ANKRD11: variants seen among roughly 807,000 people sequenced by gnomAD.
The protein encoded by ANKRD11 is ankyrin repeat domain-containing protein 11.
Under a neutral mutation model 195.7 loss-of-function variants are expected in ANKRD11, and 17 were observed. That is an observed-to-expected ratio of 0.09 (90% CI 0.06 to 0.13). The LOEUF is 0.13. Ranked by LOEUF, ANKRD11 falls within the 10% of genes least tolerant of loss-of-function variation. The pLI is 1.00. For missense variants in ANKRD11, 3,735 were observed against 3,566.1 expected (o/e 1.05, Z -1.21); for synonymous variants, 1,953 against 1,528.1 (o/e 1.28, Z -6.49).
intron 1 of ANKRD11, among the ~76,000 whole-genome samples, chr16:89,451,069 A>G (rs1257563999): frequency 6.6e-6 from 1 of 152,180 alleles, no homozygotes; most frequent in African/African-American, 2.4e-5. Flanking sequence ...TTTTGCTTCA[A>G]TGGCAAAGTT....
intron 2 of ANKRD11, among the ~76,000 whole-genome samples, chr16:89,321,397 C>T (rs1567641476): frequency 2.2e-5 from 2 of 92,492 alleles, no homozygotes; most frequent in Admixed American, 2.6e-4. Context: ...GGCTGCAGGG[C>T]GGGACTGTGG....
At chr16:89,424,832 G>A (rs1325038358) in intron 1 of ANKRD11, among the ~76,000 whole-genome samples, 1 of 152,128 alleles carries the variant, frequency 6.6e-6, no homozygotes, top group Non-Finnish European at 1.5e-5. Flanking sequence ...GGCAGGGACG[G>A]GGGCCCCCAG....
intron 2 of ANKRD11, among the ~76,000 whole-genome samples, chr16:89,372,150 GGAA>G (rs1268963347): frequency 6.6e-6 from 1 of 152,204 alleles, no homozygotes; most frequent in African/African-American, 2.4e-5. Context: ...ACCTGGCCTG[GGAA>G]GAAGGACCGG....
chr16:89,428,875 C>T (rs557664580), intron 1 of ANKRD11, among the ~76,000 whole-genome samples: 11 of 152,158 alleles, frequency 7.2e-5, no homozygotes, highest in African/African-American at 2.4e-4. Flanking sequence ...GCCTGGGCAA[C>T]AGAGCAAGAC....
At chr16:89,463,723 A>G (rs1179411485) in intron 1 of ANKRD11, among the ~76,000 whole-genome samples, 1 of 152,106 alleles carries the variant, frequency 6.6e-6, no homozygotes, top group Non-Finnish European at 1.5e-5. Context: ...GTGTTTTTCA[A>G]TAATTTCAAC....
chr16:89,464,607 T>TAAAAAAAAAAAAAAAAA (rs377695519), intron 1 of ANKRD11, among the ~76,000 whole-genome samples: 1 of 116,408 alleles, frequency 8.6e-6, no homozygotes, highest in Non-Finnish European at 1.7e-5. Context: ...GACTCCATCT[T>TAAAAAAAAAAAAAAAAA]AAAAAAAAAA....
chr16:89,418,143 C>T (rs979221398), intron 2 of ANKRD11, 141 bp downstream of exon 2: 1 of 392,176 alleles, frequency 2.5e-6, no homozygotes, highest in Non-Finnish European at 5.3e-6. Context: ...AAGTGAAATC[C>T]AGAACAAAAT....
chr16:89,395,741 T>C (rs2041397262), intron 2 of ANKRD11: 1 of 152,186 alleles, frequency 6.6e-6, no homozygotes, highest in African/African-American at 2.4e-5. Flanking sequence ...ACAGACTGAA[T>C]AGCTTGGTAC....
intron 2 of ANKRD11, among the ~76,000 whole-genome samples, chr16:89,339,310 C>T (rs1215936734): frequency 6.6e-6 from 1 of 152,196 alleles, no homozygotes; most frequent in African/African-American, 2.4e-5. Context: ...CTCAGTACAA[C>T]CAAAGGAGTA....
At chr16:89,459,960 G>A (rs569206272) in intron 1 of ANKRD11, among the ~76,000 whole-genome samples, 1 of 151,832 alleles carries the variant, frequency 6.6e-6, no homozygotes, top group South Asian at 2.1e-4. Flanking sequence ...AAAAGGCCAG[G>A]TGCGGTGGCT....
rs1025137861 is a variant in ANKRD11, at chr16:89,273,745, G to T, written c.7713+1069C>A. Among the ~76,000 whole-genome samples, 5 of 152,084 alleles carry T rather than the reference G, an allele frequency of 3.3e-5. No homozygotes were observed. The East Asian group carries it at 9.6e-4, about 29-fold the overall frequency. On this transcript the variant is annotated intron_variant, in intron 11 of 12. Transcript: ENST00000301030. ...TGTCATTGTGTATATGAGAGACATT[G>T]ATAAAATACATCCCCAAAGAAAGGA...
intron 1 of ANKRD11, among the ~76,000 whole-genome samples, chr16:89,461,812 G>C (rs2152333656): frequency 6.6e-6 from 1 of 152,178 alleles, no homozygotes; most frequent in African/African-American, 2.4e-5. Context: ...AAAACATTAA[G>C]TTTTGAAAAC....
At chr16:89,477,359 CTTT>C (rs1298140306) in intron 1 of ANKRD11, among the ~76,000 whole-genome samples, 1 of 151,124 alleles carries the variant, frequency 6.6e-6, no homozygotes, top group Non-Finnish European at 1.5e-5. Flanking sequence ...CGCGTAATTT[CTTT>C]TTTTTCTCTC....
intron 2 of ANKRD11, among the ~76,000 whole-genome samples, chr16:89,385,121 G>A (rs1260565562): frequency 6.6e-6 from 1 of 151,732 alleles, no homozygotes; most frequent in Non-Finnish European, 1.5e-5. Flanking sequence ...CTTGACCTCA[G>A]GTCCTCCACC....
At chr16:89,325,092 G>C (rs2151947887) in intron 2 of ANKRD11, 1 of 153,202 alleles carries the variant, frequency 6.5e-6, no homozygotes, top group Non-Finnish European at 1.5e-5. Flanking sequence ...TGCCATTCTG[G>C]ACATACACGT....
intron 2 of ANKRD11, among the ~76,000 whole-genome samples, chr16:89,417,264 C>T (rs531787065): frequency 1.3e-5 from 2 of 152,280 alleles, no homozygotes; most frequent in Admixed American, 6.5e-5. Flanking sequence ...GGTTCTTTCA[C>T]GTTTGCTGGG....
Position 89,288,642 on chromosome 16 carries a change from G to A in ANKRD11, c.630C>T (p.Asn210=). The change falls in exon 7 of 13, where the codon AAC becomes AAT. Residue 210 remains asparagine (N), a synonymous_variant. Transcript: ENST00000301030. ...GCTTCGCGACGTCGTAGTAGCCCCG[G>A]TTACAGGCCTCGTGCAGCGCCGTCC... The part of the protein sequence containing the change: ...AGWTALHEAC[N]RGYYDVAKQL... 5 of 1,614,134 alleles carry A rather than the reference G, an allele frequency of 3.1e-6. No individual in the cohort carries two copies. The highest frequency in any genetic ancestry group is 4.2e-6 in the Non-Finnish European group (5 of 1,180,042).
At chr16:89,484,752 C>T (rs1443445330) in intron 1 of ANKRD11, among the ~76,000 whole-genome samples, 1 of 152,056 alleles carries the variant, frequency 6.6e-6, no homozygotes, top group Non-Finnish European at 1.5e-5. Flanking sequence ...AGGGGAAAGT[C>T]TTCTGAATTT....
Position 89,325,469 on chromosome 16 carries a change from TCACACACA to T in ANKRD11, c.-59-8399_-59-8392del, listed in dbSNP as rs59319003. On this transcript the variant is annotated intron_variant, in intron 2 of 12. Transcript: ENST00000301030. ...CCTCTCCTCTCTCTCTCTCTCTCTC[TCACACACA>T]CACACACACACACACACAGAGTAAT... is the stretch of plus-strand genomic sequence containing the variant. Among the ~76,000 whole-genome samples the T allele has an allele frequency of 4.7e-5, 7 of 147,740 alleles. No individual in the cohort carries two copies. In the South Asian group the frequency reaches 1.1e-3, roughly 22 times the overall value.
Sources: gnomAD v4.1 joint callset for allele counts (sites outside exome capture counted in the v4.1 genomes callset) on GRCh38, gnomAD v4.1.1 for gene constraint, MANE v1.5 for transcripts, NCBI Gene and HGNC (gene_info 2026-07-23, HGNC 2026-07-21) for gene names.